The following CFHR1 variants were observed in gnomAD, a reference collection of about 807,000 sequenced individuals.
CFHR1 encodes the protein complement factor H-related protein 1.
CFHR1 carries 22 observed loss-of-function variants against 30.4 expected under a neutral mutation model. The ratio of observed to expected loss-of-function variants is 0.72; its 90% CI spans 0.52 to 1.03. CFHR1 has a LOEUF of 1.03. Ranked by LOEUF, CFHR1 falls within the 50% of genes least tolerant of loss-of-function variation. The pLI is 0.00. For missense variants in CFHR1, 248 were observed against 380.6 expected (o/e 0.65, Z 2.90); for synonymous variants, 95 against 129.1 (o/e 0.74, Z 1.79).
chr1:196,825,306 C>A, intron 1 of CFHR1, 171 bp from the exon 2 acceptor site: 1 of 464,744 alleles, frequency 2.2e-6, no homozygotes, highest in Non-Finnish European at 3.6e-6. Context: ...GTCATGTACT[C>A]CTAGTTAGTG....
intron 4 of CFHR1, among the ~76,000 whole-genome samples, chr1:196,828,583 G>A (rs1655428740): frequency 7.7e-6 from 1 of 130,562 alleles, no homozygotes; most frequent in Non-Finnish European, 1.6e-5. Flanking sequence ...ATATGGAATA[G>A]GCAGTTGAAG....
Position 196,825,663 on chromosome 1 carries a change from A to C in CFHR1, c.245A>C (p.Lys82Thr). 1 of 1,521,796 alleles carries C rather than the reference A, an allele frequency of 6.6e-7. No homozygotes were observed. The highest frequency in any genetic ancestry group is 8.9e-7 in the Non-Finnish European group (1 of 1,126,410). 94.3% of individuals were successfully genotyped at this position (1,521,796 alleles called of 1,614,324 possible). A position where few individuals can be genotyped will look rare whatever the true frequency, so the allele number is the denominator to read the frequency against. The change falls in exon 2 of 6, where the codon AAG becomes ACG. Residue 82 changes from lysine (K) to threonine (T), a missense_variant. Lys to Thr is a moderately conservative substitution (Grantham distance 78). Around this residue, in one of 3 missense-constraint regions of CFHR1, gnomAD observed 121 missense variants for 162.6 expected, o/e 0.74. Transcript: ENST00000320493. ...CTEEGWSPTP[K>T]CLRLCFFPFV... ...GAAGAAGGATGGTCACCAACACCAAAGTGTCTCAGTGAGTAAATGCTCTGT... is the reference window on the plus strand; with the variant it reads ...GAAGAAGGATGGTCACCAACACCAACGTGTCTCAGTGAGTAAATGCTCTGT...
Position 196,825,606 on chromosome 1 carries a change from C to G in CFHR1, c.188C>G (p.Ser63Ter). 1 of 1,525,206 alleles carries G rather than the reference C, an allele frequency of 6.6e-7. No individual in the cohort carries two copies. Among genetic ancestry groups the G allele is most frequent in the Non-Finnish European group, 8.9e-7 (1 of 1,129,160 alleles). The allele number at this position is 1,525,206 out of a possible 1,614,324, so 94.5% of individuals were successfully genotyped here. Reference sequence around the variant, plus strand: ...TGTGAATATAATTTTGTGTCTCCTTCAAAATCATTTTGGACTCGCATAACA... The same window carrying G: ...TGTGAATATAATTTTGTGTCTCCTTGAAAATCATTTTGGACTCGCATAACA... ...YSCEYNFVSP[S>*]KSFWTRITCT... Residue 63 changes from serine (S) to a stop codon, truncating the protein, a stop_gained, in exon 2 of 6, where the codon TCA becomes TGA. Transcript: ENST00000320493. LOFTEE classifies it high-confidence loss of function.
At chr1:196,829,886 C>G (rs1305558249) in intron 4 of CFHR1, among the ~76,000 whole-genome samples, 2 of 134,066 alleles carry the variant, frequency 1.5e-5, no homozygotes, top group East Asian at 3.9e-4. Flanking sequence ...ATTTTTCCAG[C>G]CCAATATCCT....
In CFHR1 at chr1:196,830,500, A is replaced by G; in HGVS notation, c.608A>G (p.Asp203Gly). ...CAAGTGATGAAATGATGTTTTTTAG[A>G]TTCTACGGGAAAATGTGGGCCCCCT... is the stretch of plus-strand genomic sequence containing the variant. ...GNWTEPPQCK[D>G]STGKCGPPPP... Residue 203 changes from aspartate to glycine, a missense_variant and splice_region_variant, in exon 5 of 6, where the codon GAT (aspartate) becomes GGT (glycine). Physicochemically the swap from Asp to Gly is moderately conservative, Grantham distance 94. Coordinates refer to ENST00000320493, the MANE Select transcript of CFHR1 (RefSeq NM_002113.3). 2.0e-6 allele frequency: 3 copies of G among 1,525,024 alleles called. No homozygotes were observed. The highest frequency in any genetic ancestry group is 2.2e-5 in the East Asian group (1 of 44,584). 94.5% of individuals were successfully genotyped at this position (1,525,024 alleles called of 1,614,324 possible).
rs556883953 is a variant in CFHR1, at chr1:196,820,915, C to G, written c.58+1013C>G. On this transcript the variant is annotated intron_variant, in intron 1 of 5. Coordinates refer to ENST00000320493, the MANE Select transcript of CFHR1 (RefSeq NM_002113.3). Reference sequence around the variant, plus strand: ...AGTGCAATGGTGTGATTTCGGCTCACCACAACTTCCATCTCCTGGGTTCAA... The same window carrying G: ...AGTGCAATGGTGTGATTTCGGCTCAGCACAACTTCCATCTCCTGGGTTCAA... 1.2e-3 allele frequency: 155 copies of G among 133,598 alleles called. 23 individuals are homozygous for G. The highest frequency in any genetic ancestry group is 5.1e-3 in the African/African-American group (150 of 29,380). 8.3% of individuals were successfully genotyped at this position (133,598 alleles called of 1,614,324 possible). A position where few individuals can be genotyped will look rare whatever the true frequency, so the allele number is the denominator to read the frequency against.
At chr1:196,829,481 T>C (rs1655462133) in intron 4 of CFHR1, among the ~76,000 whole-genome samples, 1 of 135,222 alleles carries the variant, frequency 7.4e-6, no homozygotes, top group Non-Finnish European at 1.6e-5. Context: ...GAAGAATTCC[T>C]TTAGTTATCT....
chr1:196,825,635 A>C lies in CFHR1; in HGVS notation c.217A>C (p.Thr73Pro). The change falls in exon 2 of 6, where the codon ACA becomes CCA. Residue 73 changes from threonine to proline, a missense_variant. By Grantham distance (38) the Thr-to-Pro change is conservative. Transcript: ENST00000320493. ...ATCATTTTGGACTCGCATAACATGC[A>C]CAGAAGAAGGATGGTCACCAACACC... Reference protein sequence around the residue: ...SKSFWTRITCTEEGWSPTPKC... With the variant: ...SKSFWTRITCPEEGWSPTPKC... 1 of 1,524,968 alleles carries C rather than the reference A, an allele frequency of 6.6e-7. No individual in the cohort carries two copies. Among genetic ancestry groups the C allele is most frequent in the Non-Finnish European group, 8.9e-7 (1 of 1,128,978 alleles). The allele number at this position is 1,524,968 out of a possible 1,614,324, so 94.5% of individuals were successfully genotyped here.
intron 1 of CFHR1, among the ~76,000 whole-genome samples, chr1:196,822,325 A>C (rs1205849512): frequency 7.7e-6 from 1 of 129,880 alleles, no homozygotes; most frequent in Non-Finnish European, 1.6e-5. Flanking sequence ...GGATAGACTA[A>C]ATTTATTTTA....
chr1:196,822,893 T>C lies in CFHR1; in HGVS notation c.59-2584T>C, dbSNP rs189089501. Among the ~76,000 whole-genome samples, 131 of 134,988 alleles carry C rather than the reference T, an allele frequency of 9.7e-4. 20 individuals carry two copies. The East Asian group carries it at 0.023, about 23-fold the overall frequency. 88.6% of individuals were successfully genotyped at this position (134,988 alleles called of 152,430 possible). A position where few individuals can be genotyped will look rare whatever the true frequency, so the allele number is the denominator to read the frequency against. On this transcript the variant is annotated intron_variant, in intron 1 of 5. Transcript: ENST00000320493. ...TGTGTGTGGCATATTTTTATGTGAC[T>C]GGCAATGCTGTAGGTTTGTTTACCC... is the stretch of plus-strand genomic sequence containing the variant.
rs750324699 is a variant in CFHR1, at chr1:196,831,910, C to G, written c.904C>G (p.Arg302Gly). Residue 302 changes from arginine to glycine, a missense_variant, in exon 6 of 6, where the codon CGG becomes GGG. Coordinates refer to ENST00000320493, the MANE Select transcript of CFHR1 (RefSeq NM_002113.3). ...TGESAEFVCK[R>G]GYRLSSRSHT... ...TGAATCAGCTGAATTTGTGTGTAAA[C>G]GGGGATATCGTCTTTCATCACGTTC... is the stretch of plus-strand genomic sequence containing the variant. 6.6e-7 allele frequency: 1 copy of G among 1,525,188 alleles called. No homozygotes were observed. The highest frequency in any genetic ancestry group is 8.9e-7 in the Non-Finnish European group (1 of 1,129,292). 94.5% of individuals were successfully genotyped at this position (1,525,188 alleles called of 1,614,324 possible).
chr1:196,821,859 G>A (rs1194712010), intron 1 of CFHR1, among the ~76,000 whole-genome samples: 1 of 102,180 alleles, frequency 9.8e-6, no homozygotes, highest in East Asian at 2.4e-4. Flanking sequence ...TTATAGAGTG[G>A]ACTTACACAA....
intron 4 of CFHR1, among the ~76,000 whole-genome samples, chr1:196,828,976 C>T (rs1655444888): frequency 7.5e-6 from 1 of 133,302 alleles, no homozygotes; most frequent in Non-Finnish European, 1.6e-5. Flanking sequence ...GGACTTAAAC[C>T]TCTGTCATTT....
At chr1:196,825,808 AT>A in intron 2 of CFHR1, 137 bp downstream of exon 2, 1 of 814,326 alleles carries the variant, frequency 1.2e-6, no homozygotes, top group Non-Finnish European at 1.9e-6. Flanking sequence ...TAGTCCCCCT[AT>A]TTTGAGATGC....
At chr1:196,826,536 T>G (rs1340073668) in intron 2 of CFHR1, among the ~76,000 whole-genome samples, 3 of 134,370 alleles carry the variant, frequency 2.2e-5, no homozygotes, top group African/African-American at 9.6e-5. Flanking sequence ...CTGCTACCTC[T>G]GCCTTCTAGA....
chr1:196,826,403 A>C (rs377259244), intron 2 of CFHR1, among the ~76,000 whole-genome samples: 1 of 135,472 alleles, frequency 7.4e-6, no homozygotes, highest in Non-Finnish European at 1.6e-5. Context: ...CATCATATAT[A>C]TAGTAGCATG....
rs1573147331 is a variant in CFHR1 at position 196,824,488 on chromosome 1, C to T, written c.59-989C>T. Among the ~76,000 whole-genome samples, 2 of 130,064 alleles carry T rather than the reference C, an allele frequency of 1.5e-5. 1 individual carries two copies. The highest frequency in any genetic ancestry group is 4.0e-4 in the East Asian group (2 of 5,012). 85.3% of individuals were successfully genotyped at this position (130,064 alleles called of 152,430 possible). On this transcript the variant is annotated intron_variant, in intron 1 of 5. Coordinates refer to ENST00000320493, the MANE Select transcript of CFHR1 (RefSeq NM_002113.3). ...GGCCAGGCTGGTCTCAAATTCCTGA[C>T]CTCAAGTGACCCACTCACCTCAGCC...
chr1:196,825,618 G>A lies in CFHR1; in HGVS notation c.200G>A (p.Trp67Ter). ...TTTGTGTCTCCTTCAAAATCATTTT[G>A]GACTCGCATAACATGCACAGAAGAA... is the stretch of plus-strand genomic sequence containing the variant. Reference protein sequence around the residue: ...YNFVSPSKSFWTRITCTEEGW... With the variant: ...YNFVSPSKSF The change falls in exon 2 of 6, where the codon TGG (tryptophan) becomes TAG (stop). Residue 67 changes from tryptophan (W) to a stop codon, truncating the protein, a stop_gained. Transcript: ENST00000320493. LOFTEE classifies it high-confidence loss of function. The A allele has an allele frequency of 6.6e-7, 1 of 1,524,660 alleles. No individual in the cohort carries two copies. Among genetic ancestry groups the A allele is most frequent in the South Asian group, 1.2e-5 (1 of 80,216 alleles). 94.4% of individuals were successfully genotyped at this position (1,524,660 alleles called of 1,614,324 possible).
At position 196,829,087 on chromosome 1, in the gene CFHR1, A is replaced by C. The variant is rs182147421; in HGVS notation, c.607+841A>C. Among the ~76,000 whole-genome samples the C allele has an allele frequency of 2.0e-4, 27 of 134,264 alleles. 1 individual carries two copies. In the East Asian group the frequency reaches 4.9e-3, roughly 24 times the overall value. 88.1% of individuals were successfully genotyped at this position (134,264 alleles called of 152,430 possible). A position where few individuals can be genotyped will look rare whatever the true frequency, so the allele number is the denominator to read the frequency against. ...AGGAGATTAATTTTGATTCATATGT[A>C]TTGTTTTCCATTGTATCTCTTTGCA... On this transcript the variant is annotated intron_variant, in intron 4 of 5. Coordinates refer to ENST00000320493, the MANE Select transcript of CFHR1 (RefSeq NM_002113.3).
Sources: allele counts gnomAD v4.1 joint callset (sites outside exome capture counted in the v4.1 genomes callset), GRCh38; gene constraint gnomAD v4.1.1; regional missense constraint gnomAD v4.1.1; transcripts MANE v1.5; gene names NCBI Gene and HGNC (gene_info 2026-07-23, HGNC 2026-07-21).